FREM3: variants seen among roughly 807,000 people sequenced by gnomAD.
FREM3 encodes FRAS1-related extracellular matrix protein 3.
A neutral mutation model predicts 129.1 loss-of-function variants in FREM3; 105 were observed. The observed-to-expected ratio is 0.81, with a 90% confidence interval of 0.69 to 0.96. The LOEUF is 0.96. FREM3 is among the 40% of genes least tolerant of loss of function. The pLI is 0.00. For missense variants in FREM3, 2,593 were observed against 2,666.3 expected (o/e 0.97, Z 0.61); for synonymous variants, 1,014 against 1,044.9 (o/e 0.97, Z 0.57).
intron 6 of FREM3, among the ~76,000 whole-genome samples, chr4:143,594,641 A>G (rs1342617429): frequency 6.6e-6 from 1 of 152,250 alleles, no homozygotes; most frequent in Non-Finnish European, 1.5e-5. Flanking sequence ...TGAGAAAGGT[A>G]AAAAACATTT....
intron 6 of FREM3, among the ~76,000 whole-genome samples, chr4:143,590,450 A>AGGG (rs1738337725): frequency 6.6e-6 from 1 of 152,086 alleles, no homozygotes; most frequent in Non-Finnish European, 1.5e-5. Context: ...AGCATGAAGC[A>AGGG]TTGTTGAATT....
intron 2 of FREM3, among the ~76,000 whole-genome samples, chr4:143,684,077 G>A (rs1427385349): frequency 6.6e-6 from 1 of 152,018 alleles, no homozygotes; most frequent in Non-Finnish European, 1.5e-5. Context: ...ACCTACCCTG[G>A]TAGTGGAAGA....
intron 2 of FREM3, among the ~76,000 whole-genome samples, chr4:143,680,109 A>C (rs2149858955): frequency 6.6e-6 from 1 of 152,138 alleles, no homozygotes; most frequent in Non-Finnish European, 1.5e-5. Context: ...TTACACAAGA[A>C]AATGTAAAAA....
intron 5 of FREM3, among the ~76,000 whole-genome samples, chr4:143,618,004 T>C (rs1198660183): frequency 2.0e-5 from 3 of 152,160 alleles, no homozygotes; most frequent in African/African-American, 7.2e-5. Context: ...TAAAGTCTCT[T>C]AGATGTGAAT....
In FREM3 at chr4:143,577,313, T is replaced by G. The variant is rs932096883; in HGVS notation, c.*298A>C. The G allele has an allele frequency of 1.3e-5, 6 of 458,358 alleles. No individual in the cohort carries two copies. The Admixed American group carries it at 2.3e-4, about 17-fold the overall frequency. The allele number at this position is 458,358 out of a possible 1,614,324, so 28.4% of individuals were successfully genotyped here. A position where few individuals can be genotyped will look rare whatever the true frequency, so the allele number is the denominator to read the frequency against. On this transcript the variant is annotated 3_prime_UTR_variant, in exon 8 of 8. Coordinates refer to ENST00000329798, the MANE Select transcript of FREM3 (RefSeq NM_001168235.2). ...TAAAGAGAGGTTAATTCTTTGATCT[T>G]AACTTTTGATTTAATTGATCACAGT...
At chr4:143,608,290 A>G (rs1313072394) in intron 6 of FREM3, among the ~76,000 whole-genome samples, 2 of 152,166 alleles carry the variant, frequency 1.3e-5, no homozygotes, top group African/African-American at 4.8e-5. Context: ...GCTTGTTATT[A>G]TACATACAAA....
chr4:143,663,799 T>C (rs1282696790), intron 2 of FREM3, among the ~76,000 whole-genome samples: 9 of 152,228 alleles, frequency 5.9e-5, no homozygotes, highest in African/African-American at 2.2e-4. Flanking sequence ...CATTCTTTTT[T>C]CTCTAAACTT....
At chr4:143,678,436 A>G (rs1462338590) in intron 2 of FREM3, among the ~76,000 whole-genome samples, 4 of 152,134 alleles carry the variant, frequency 2.6e-5, no homozygotes, top group African/African-American at 7.2e-5. Flanking sequence ...GATATATCTA[A>G]TGTAAATGAT....
At chr4:143,623,989 A>G (rs1739000994) in intron 4 of FREM3, 119 bp downstream of exon 4, 1 of 622,958 alleles carries the variant, frequency 1.6e-6, no homozygotes, top group South Asian at 2.0e-5. Context: ...CTTCACTTTA[A>G]ATCCTAAATG....
intron 2 of FREM3, among the ~76,000 whole-genome samples, chr4:143,651,293 T>C (rs1038425137): frequency 7.9e-5 from 12 of 152,236 alleles, no homozygotes; most frequent in African/African-American, 2.9e-4. Flanking sequence ...GTTTGCTAAA[T>C]CTTTTCAGCG....
intron 2 of FREM3, among the ~76,000 whole-genome samples, chr4:143,679,228 G>T (rs576513870): frequency 6.6e-6 from 1 of 152,226 alleles, no homozygotes; most frequent in South Asian, 2.1e-4. Flanking sequence ...ACTTTCACTT[G>T]GAGGTACAAT....
intron 2 of FREM3, among the ~76,000 whole-genome samples, chr4:143,655,458 A>G (rs921445167): frequency 1.3e-5 from 2 of 152,190 alleles, no homozygotes; most frequent in African/African-American, 2.4e-5. Context: ...TTAGTGGTTA[A>G]TAAAATTAGA....
Position 143,624,276 on chromosome 4 carries a change from G to A in FREM3, c.5485C>T (p.Gln1829Ter). ...GTCTGTCCAGGATTGAACTGGATCT[G>A]TTTATTGGTCTTCCATTTGAAATCT... ...DKDFKWKTNK[Q>*]IQFNPGQTTA... Residue 1829 changes from glutamine (Q) to a stop codon, truncating the protein, a stop_gained, in exon 4 of 8, where the codon CAG (glutamine) becomes TAG (stop). Coordinates refer to ENST00000329798, the MANE Select transcript of FREM3 (RefSeq NM_001168235.2). LOFTEE classifies it high-confidence loss of function. The A allele has an allele frequency of 6.5e-7, 1 of 1,537,016 alleles. No individual in the cohort carries two copies. The highest frequency in any genetic ancestry group is 8.7e-7 in the Non-Finnish European group (1 of 1,146,748).
intron 2 of FREM3, among the ~76,000 whole-genome samples, chr4:143,668,681 T>A (rs1739909600): frequency 6.6e-6 from 1 of 152,224 alleles, no homozygotes; most frequent in South Asian, 2.1e-4. Context: ...TACTATATGG[T>A]CTTCTAATGA....
At chr4:143,647,337 T>C (rs9917953) in intron 2 of FREM3, among the ~76,000 whole-genome samples, 76,103 of 152,000 alleles carry the variant, frequency 0.5, 19,861 homozygotes, top group East Asian at 0.71. Context: ...AAGAAAAATC[T>C]GTTTTCTGGG....
At chr4:143,583,609 C>G (rs1352617405) in intron 7 of FREM3, among the ~76,000 whole-genome samples, 1 of 151,794 alleles carries the variant, frequency 6.6e-6, no homozygotes, top group Non-Finnish European at 1.5e-5. Context: ...GCATATCTTT[C>G]AGCAGAAACT....
chr4:143,697,229 G>A lies in FREM3; in HGVS notation c.3447C>T (p.Ile1149=). The A allele has an allele frequency of 6.5e-7, 1 of 1,537,706 alleles. No homozygotes were observed. Among genetic ancestry groups the A allele is most frequent in the Non-Finnish European group, 8.7e-7 (1 of 1,146,986 alleles). ...FSLRDIQVRH[I]NYVQSIHKGV... ...CCTTGTGAATACTCTGTACATAATTGATATGCCTCACTTGGATATCTCTGA... is the reference window on the plus strand; with the variant it reads ...CCTTGTGAATACTCTGTACATAATTAATATGCCTCACTTGGATATCTCTGA... The change falls in exon 1 of 8, where the codon ATC becomes ATT. Residue 1149 remains isoleucine, a synonymous_variant. Coordinates refer to ENST00000329798, the MANE Select transcript of FREM3 (RefSeq NM_001168235.2).
At chr4:143,687,548 G>A (rs1175227517) in intron 2 of FREM3, among the ~76,000 whole-genome samples, 3 of 152,024 alleles carry the variant, frequency 2.0e-5, no homozygotes, top group Admixed American at 2.0e-4. Context: ...AACCAGGAAA[G>A]GATATAACCA....
intron 2 of FREM3, among the ~76,000 whole-genome samples, chr4:143,677,843 T>G (rs1157615445): frequency 6.6e-6 from 1 of 152,158 alleles, no homozygotes; most frequent in Non-Finnish European, 1.5e-5. Context: ...CAGTGAGATA[T>G]GATCTCACAG....
Sources: allele counts gnomAD v4.1 joint callset (sites outside exome capture counted in the v4.1 genomes callset), GRCh38; gene constraint gnomAD v4.1.1; transcripts MANE v1.5; gene names NCBI Gene and HGNC (gene_info 2026-07-23, HGNC 2026-07-21).